The following FAM53B variants were observed in gnomAD, a reference collection of about 807,000 sequenced individuals.
FAM53B encodes the protein protein FAM53B.
In FAM53B, 12 loss-of-function variants were observed where a neutral mutation model predicts 32.7. The ratio of observed to expected loss-of-function variants is 0.37; its 90% CI spans 0.24 to 0.59. The LOEUF (loss-of-function observed/expected upper bound fraction) is 0.59, where lower values mean the gene tolerates loss of function less well. FAM53B is among the 20% of genes least tolerant of loss of function. The pLI is 0.72. For synonymous variants in FAM53B, 234 were observed against 228.7 expected, an observed-to-expected ratio of 1.02 and a Z score of -0.21; for missense variants, 477 against 577.7, an observed-to-expected ratio of 0.83 and a Z score of 1.79.
At chr10:124,662,584 G>A (rs1186737788) in intron 4 of FAM53B, among the ~76,000 whole-genome samples, 1 of 152,136 alleles carries the variant, frequency 6.6e-6, no homozygotes, top group Non-Finnish European at 1.5e-5. Context: ...CGGAGGCTCA[G>A]GCAGGAGGAT....
Position 124,697,701 on chromosome 10 carries a change from G to C in FAM53B, c.79-1489C>G, listed in dbSNP as rs116495620. The stretch of plus-strand genomic sequence containing the variant: ...AGGGTGGAGGTCGGGGCAGCCTCCT[G>C]GGGGGGATGCTTAGACACTTGATGA... On this transcript the variant is annotated intron_variant, in intron 2 of 4. Transcript: ENST00000337318. Among the ~76,000 whole-genome samples the C allele has an allele frequency of 3.3e-3, 509 of 152,092 alleles. 8 individuals carry two copies. The highest frequency in any genetic ancestry group is 0.012 in the African/African-American group (481 of 41,496).
chr10:124,624,337 G>C (rs140209773), intron 4 of FAM53B, among the ~76,000 whole-genome samples: 2 of 152,270 alleles, frequency 1.3e-5, no homozygotes, highest in Non-Finnish European at 2.9e-5. Context: ...ATGAGTTCTC[G>C]GCCTCACCTG....
chr10:124,731,666 G>C (rs1337428222), intron 1 of FAM53B, among the ~76,000 whole-genome samples: 3 of 151,452 alleles, frequency 2.0e-5, no homozygotes, highest in Non-Finnish European at 4.4e-5. Flanking sequence ...CCACCTACTG[G>C]TGGGGTTCCA....
intron 1 of FAM53B, among the ~76,000 whole-genome samples, chr10:124,723,368 T>C (rs74160954): frequency 6.6e-6 from 1 of 152,244 alleles, no homozygotes; most frequent in African/African-American, 2.4e-5. Flanking sequence ...ATCAAAATGT[T>C]GTTAACACTA....
At chr10:124,672,352 G>A (rs973330807) in intron 4 of FAM53B, among the ~76,000 whole-genome samples, 1 of 152,280 alleles carries the variant, frequency 6.6e-6, no homozygotes, top group South Asian at 2.1e-4. Flanking sequence ...GCTGGGAGGG[G>A]CTTCCCACGA....
At chr10:124,706,538 A>G in intron 2 of FAM53B, 98 bp downstream of exon 2, 1 of 1,490,078 alleles carries the variant, frequency 6.7e-7, no homozygotes, top group Non-Finnish European at 9.3e-7. Context: ...GGGACTCTGG[A>G]CTCGATTTGC....
chr10:124,741,648 C>T (rs994635389), intron 1 of FAM53B, among the ~76,000 whole-genome samples: 1 of 151,966 alleles, frequency 6.6e-6, no homozygotes, highest in African/African-American at 2.4e-5. Context: ...GCTAGCGGGG[C>T]AGTGAGAGAA....
chr10:124,732,651 G>C (rs1364350119), intron 1 of FAM53B, among the ~76,000 whole-genome samples: 1 of 152,140 alleles, frequency 6.6e-6, no homozygotes, highest in Non-Finnish European at 1.5e-5. Context: ...CTGAGGTCCG[G>C]AGTTCAAGAC....
At chr10:124,683,850 C>A (rs1304155559) in intron 3 of FAM53B, among the ~76,000 whole-genome samples, 1 of 152,226 alleles carries the variant, frequency 6.6e-6, no homozygotes, top group African/African-American at 2.4e-5. Context: ...ACAAACCTAT[C>A]TCCACTACCA....
chr10:124,712,617 C>A (rs996701452), intron 1 of FAM53B, among the ~76,000 whole-genome samples: 3 of 152,118 alleles, frequency 2.0e-5, no homozygotes, highest in Non-Finnish European at 2.9e-5. Context: ...ACATTCACCT[C>A]CCACCTCTCT....
intron 4 of FAM53B, among the ~76,000 whole-genome samples, chr10:124,625,038 C>T (rs971472573): frequency 2.6e-5 from 4 of 152,236 alleles, no homozygotes; most frequent in African/African-American, 9.6e-5. Context: ...GCCTCCCTCG[C>T]CGCACGCCTG....
intron 2 of FAM53B, among the ~76,000 whole-genome samples, chr10:124,698,660 G>A (rs1199993077): frequency 6.6e-6 from 1 of 152,016 alleles, no homozygotes; most frequent in Admixed American, 6.6e-5. Context: ...TTCTAACCTG[G>A]AAAACTGACT....
At chr10:124,731,087 G>A (rs1373462136) in intron 1 of FAM53B, among the ~76,000 whole-genome samples, 1 of 152,204 alleles carries the variant, frequency 6.6e-6, no homozygotes, top group Non-Finnish European at 1.5e-5. Context: ...TACTGCCCAT[G>A]AGCTAAATGA....
chr10:124,723,453 A>G (rs1390228930), intron 1 of FAM53B, among the ~76,000 whole-genome samples: 6 of 152,234 alleles, frequency 3.9e-5, no homozygotes, highest in East Asian at 1.9e-4. Context: ...GTAGCAGAGC[A>G]TAACAGAAAA....
At chr10:124,649,637 G>A (rs542209105) in intron 4 of FAM53B, among the ~76,000 whole-genome samples, 2 of 152,290 alleles carry the variant, frequency 1.3e-5, no homozygotes, top group Admixed American at 1.3e-4. Context: ...CTGGATAAAG[G>A]CCGCCTTCCA....
intron 4 of FAM53B, among the ~76,000 whole-genome samples, chr10:124,672,242 G>A (rs1318037521): frequency 2.0e-5 from 3 of 152,220 alleles, no homozygotes; most frequent in African/African-American, 7.2e-5. Flanking sequence ...GCACAGCTCC[G>A]TCTCCATCCC....
At chr10:124,674,460 G>T (rs1222444294) in intron 4 of FAM53B, among the ~76,000 whole-genome samples, 1 of 152,204 alleles carries the variant, frequency 6.6e-6, no homozygotes, top group African/African-American at 2.4e-5. Context: ...CGAGGATGGG[G>T]AAAATGAACC....
chr10:124,739,923 TCC>T (rs1564892792), intron 1 of FAM53B, among the ~76,000 whole-genome samples: 1 of 151,112 alleles, frequency 6.6e-6, no homozygotes, highest in East Asian at 2.0e-4. Flanking sequence ...CATCAGCATT[TCC>T]CCCTCTCAAT....
intron 4 of FAM53B, among the ~76,000 whole-genome samples, chr10:124,671,732 A>G (rs2134062998): frequency 6.6e-6 from 1 of 151,998 alleles, no homozygotes; most frequent in Middle Eastern, 3.4e-3. Flanking sequence ...TGGTGGTTGC[A>G]TTATATTTTG....
Sources: gnomAD v4.1 joint callset for allele counts (sites outside exome capture counted in the v4.1 genomes callset) on GRCh38, gnomAD v4.1.1 for gene constraint, MANE v1.5 for transcripts, NCBI Gene and HGNC (gene_info 2026-07-23, HGNC 2026-07-21) for gene names.